The following NDRG3 variants were observed in gnomAD, a reference collection of about 807,000 sequenced individuals.
NDRG3 encodes the protein NDRG family member 3, also known as protein NDRG3.
NDRG3 carries 23 observed loss-of-function variants against 57.2 expected under a neutral mutation model. That is an observed-to-expected ratio of 0.40 (90% CI 0.29 to 0.57). The LOEUF is 0.57. NDRG3 is among the 20% of genes least tolerant of loss of function. The pLI is 0.42. For synonymous variants in NDRG3, 132 were observed against 162.6 expected (o/e 0.81, Z 1.43); for missense variants, 384 against 457.3 (o/e 0.84, Z 1.46).
chr20:36,712,587 A>ATATATATATATAT, intron 2 of NDRG3, among the ~76,000 whole-genome samples: 1 of 5,912 alleles, frequency 1.7e-4, no homozygotes, highest in Non-Finnish European at 3.1e-4. Context: ...ATATATATAT[A>ATATATATATATAT]TTTTTTTTTT....
At chr20:36,667,943 G>A (rs748829659) in intron 9 of NDRG3, among the ~76,000 whole-genome samples, 1 of 152,088 alleles carries the variant, frequency 6.6e-6, no homozygotes, top group African/African-American at 2.4e-5. Flanking sequence ...TAAGAAAAGT[G>A]AATACCAAAT....
chr20:36,715,006 GTATATATATATATATATATATATA>G (rs545495779), intron 2 of NDRG3, among the ~76,000 whole-genome samples: 12 of 26,712 alleles, frequency 4.5e-4, no homozygotes, highest in East Asian at 2.0e-3. Flanking sequence ...GTGTGTGTGT[GTATATATATATATATATATATATA>G]TATATATATA....
chr20:36,703,499 G>A (rs1403020175), intron 3 of NDRG3, among the ~76,000 whole-genome samples: 1 of 151,832 alleles, frequency 6.6e-6, no homozygotes, highest in Non-Finnish European at 1.5e-5. Context: ...AGAAAGACTG[G>A]GGTCTCACTA....
intron 14 of NDRG3, 26 bp downstream of exon 14, chr20:36,656,471 G>A (rs1330807865): frequency 6.2e-7 from 1 of 1,614,058 alleles, no homozygotes; most frequent in Non-Finnish European, 8.5e-7. Context: ...AGAATTAAAT[G>A]GGTGTTTAAA....
chr20:36,679,657 C>G (rs368166892), intron 8 of NDRG3, among the ~76,000 whole-genome samples: 1 of 151,708 alleles, frequency 6.6e-6, no homozygotes, highest in Non-Finnish European at 1.5e-5. Context: ...GCACCCACCA[C>G]CACGCCCGGC....
At chr20:36,670,646 C>T (rs1159073799) in intron 9 of NDRG3, among the ~76,000 whole-genome samples, 3 of 152,094 alleles carry the variant, frequency 2.0e-5, no homozygotes, top group Non-Finnish European at 4.4e-5. Flanking sequence ...ATAATCAGTA[C>T]TCGATAAATG....
rs1204268894 is a variant in NDRG3, at chr20:36,658,666, T to A, written c.858+1671A>T. 2.0e-5 allele frequency among the ~76,000 whole-genome samples: 3 copies of A among 152,122 alleles called. No homozygotes were observed. The East Asian group carries it at 5.8e-4, about 29-fold the overall frequency. On this transcript the variant is annotated intron_variant, in intron 13 of 15. Coordinates refer to ENST00000349004, the MANE Select transcript of NDRG3 (RefSeq NM_032013.4). ...GTAGTCCAAGTTCCCAAGTTCAAAC[T>A]AGAAGGTCAGCTACCTCAACACTTT...
intron 6 of NDRG3, among the ~76,000 whole-genome samples, chr20:36,683,301 T>G (rs759596892): frequency 1.8e-4 from 28 of 151,830 alleles, no homozygotes; most frequent in Non-Finnish European, 3.7e-4. Context: ...ACTTTCAAGT[T>G]GGTTTTAATG....
intron 1 of NDRG3, among the ~76,000 whole-genome samples, chr20:36,727,204 C>T (rs781063050): frequency 1.3e-5 from 2 of 152,132 alleles, no homozygotes; most frequent in African/African-American, 2.4e-5. Flanking sequence ...GTGTGAGCCA[C>T]CCCGCCCAGC....
At chr20:36,708,602 T>G (rs1344504469) in intron 2 of NDRG3, among the ~76,000 whole-genome samples, 2 of 137,434 alleles carry the variant, frequency 1.5e-5, no homozygotes, top group African/African-American at 5.5e-5. Flanking sequence ...GAGCCGATAT[T>G]GAGCCATTGC....
At chr20:36,693,105 AATATATATATATATAT>A (rs1290033865) in intron 3 of NDRG3, among the ~76,000 whole-genome samples, 15 of 25,858 alleles carry the variant, frequency 5.8e-4, no homozygotes, top group African/African-American at 1.7e-3. Context: ...AAAAAAAAAA[AATATATATATATATAT>A]ATATATATAT....
chr20:36,742,674 T>C (rs1398040495), intron 1 of NDRG3, among the ~76,000 whole-genome samples: 3 of 152,200 alleles, frequency 2.0e-5, no homozygotes, highest in Non-Finnish European at 4.4e-5. Flanking sequence ...AGTCTAATAT[T>C]GCTTTGCTTG....
intron 15 of NDRG3, among the ~76,000 whole-genome samples, chr20:36,654,337 C>T (rs1373420011): frequency 6.6e-6 from 1 of 152,192 alleles, no homozygotes; most frequent in African/African-American, 2.4e-5. Flanking sequence ...TTGGCTGGGA[C>T]TGGGCCTTAC....
chr20:36,731,402 G>C (rs1053487415), intron 1 of NDRG3, among the ~76,000 whole-genome samples: 1 of 152,180 alleles, frequency 6.6e-6, no homozygotes, highest in Non-Finnish European at 1.5e-5. Context: ...TGAAGACTAT[G>C]AAAGGGCCAT....
chr20:36,744,488 G>C (rs1986089285), intron 1 of NDRG3, among the ~76,000 whole-genome samples: 1 of 152,118 alleles, frequency 6.6e-6, no homozygotes. Context: ...GGGGCTAGAA[G>C]TCCGCAGGGT....
rs558726066 is a variant in NDRG3, at chr20:36,722,162, T to G, written c.-48-379A>C. On this transcript the variant is annotated intron_variant, in intron 1 of 15. Transcript: ENST00000349004. The stretch of plus-strand genomic sequence containing the variant: ...TCTGAAGAGGCAAGCTGATGTGCTG[T>G]GAGAGGGCCACGTAACAAGTAACTG... Among the ~76,000 whole-genome samples, 78 of 152,310 alleles carry G rather than the reference T, an allele frequency of 5.1e-4. 1 individual carries two copies. Among genetic ancestry groups the G allele is most frequent in the African/African-American group, 1.9e-3 (77 of 41,572 alleles).
At chr20:36,707,047 A>G (rs1311379718) in intron 2 of NDRG3, 40 bp from the exon 3 acceptor site, 1 of 1,598,720 alleles carries the variant, frequency 6.3e-7, no homozygotes, top group Admixed American at 1.7e-5. Flanking sequence ...GTTTCCCCAC[A>G]TGGTTTCCCC....
chr20:36,663,787 G>A (rs1222195586), intron 12 of NDRG3, among the ~76,000 whole-genome samples: 1 of 152,180 alleles, frequency 6.6e-6, no homozygotes, highest in African/African-American at 2.4e-5. Flanking sequence ...TCCTAAGGAT[G>A]TTCAACAGTA....
intron 1 of NDRG3, among the ~76,000 whole-genome samples, chr20:36,736,538 T>A (rs1002712019): frequency 1.3e-5 from 2 of 152,244 alleles, no homozygotes; most frequent in African/African-American, 4.8e-5. Context: ...AATTATCTGA[T>A]GACTTGGCTC....
Sources: gnomAD v4.1 joint callset for allele counts (sites outside exome capture counted in the v4.1 genomes callset) on GRCh38, gnomAD v4.1.1 for gene constraint, MANE v1.5 for transcripts, NCBI Gene and HGNC (gene_info 2026-07-23, HGNC 2026-07-21) for gene names.